The following UVRAG variants were observed in gnomAD, a reference collection of about 807,000 sequenced individuals.
UVRAG encodes UV radiation resistance-associated gene protein.
A neutral mutation model predicts 78.0 loss-of-function variants in UVRAG; 19 were observed. That is an observed-to-expected ratio of 0.24 (90% CI 0.17 to 0.36). UVRAG has a LOEUF of 0.36. UVRAG is among the 10% of genes least tolerant of loss of function. The pLI is 1.00. For synonymous variants in UVRAG, 323 were observed against 324.6 expected, an observed-to-expected ratio of 1.00 and a Z score of 0.05; for missense variants, 740 against 853.8, an observed-to-expected ratio of 0.87 and a Z score of 1.66.
At chr11:75,849,640 G>T (rs529481861) in intron 1 of UVRAG, among the ~76,000 whole-genome samples, 70 of 152,296 alleles carry the variant, frequency 4.6e-4, no homozygotes, top group Non-Finnish European at 8.8e-4. Context: ...GTACAGTGAT[G>T]GTTGTGGTTT....
intron 1 of UVRAG, among the ~76,000 whole-genome samples, chr11:75,818,728 C>T (rs1340614567): frequency 2.6e-5 from 4 of 152,138 alleles, no homozygotes; most frequent in Non-Finnish European, 5.9e-5. Flanking sequence ...CCTCCCACCT[C>T]GGCCTCCCAA....
intron 13 of UVRAG, among the ~76,000 whole-genome samples, chr11:76,103,455 T>A (rs1246106169): frequency 1.3e-5 from 2 of 152,090 alleles, no homozygotes; most frequent in African/African-American, 4.8e-5. Flanking sequence ...TTTTGTTAAA[T>A]GAATTGTGAG....
chr11:75,874,323 G>T (rs999937003), intron 3 of UVRAG, among the ~76,000 whole-genome samples: 12 of 151,856 alleles, frequency 7.9e-5, no homozygotes, highest in African/African-American at 2.9e-4. Flanking sequence ...AAATTCTAGA[G>T]AACTAGATTC....
At chr11:75,906,181 T>G (rs1449066971) in intron 5 of UVRAG, among the ~76,000 whole-genome samples, 2 of 152,196 alleles carry the variant, frequency 1.3e-5, no homozygotes. Context: ...TGTCCTTTGA[T>G]GCACAAAAGT....
At chr11:75,934,470 A>T (rs1948321672) in intron 6 of UVRAG, among the ~76,000 whole-genome samples, 1 of 152,204 alleles carries the variant, frequency 6.6e-6, no homozygotes, top group South Asian at 2.1e-4. Flanking sequence ...AGTAAAAAAA[A>T]TTTAATTCTA....
intron 6 of UVRAG, among the ~76,000 whole-genome samples, chr11:75,960,630 G>C (rs905735988): frequency 6.6e-6 from 1 of 152,062 alleles, no homozygotes; most frequent in Non-Finnish European, 1.5e-5. Context: ...AGCCAGGCAT[G>C]GTGGTGCATG....
At chr11:75,939,893 G>A (rs769130976) in intron 6 of UVRAG, among the ~76,000 whole-genome samples, 21 of 152,184 alleles carry the variant, frequency 1.4e-4, no homozygotes, top group Non-Finnish European at 2.5e-4. Context: ...TGCCAATACA[G>A]AAGGAATTCT....
intron 8 of UVRAG, among the ~76,000 whole-genome samples, chr11:76,002,199 T>C (rs1949827628): frequency 6.6e-6 from 1 of 152,188 alleles, no homozygotes. Context: ...TTCTGGAGTA[T>C]CTTCAAATAC....
At chr11:76,072,082 A>G (rs1024996480) in intron 13 of UVRAG, among the ~76,000 whole-genome samples, 1 of 152,154 alleles carries the variant, frequency 6.6e-6, no homozygotes, top group Non-Finnish European at 1.5e-5. Flanking sequence ...GAGATTACCC[A>G]GGGAGAGAAC....
chr11:75,921,790 T>A (rs1281386303), intron 6 of UVRAG, among the ~76,000 whole-genome samples: 1 of 152,124 alleles, frequency 6.6e-6, no homozygotes, highest in Non-Finnish European at 1.5e-5. Context: ...ATGAATTCAT[T>A]GTGCCAGCAC....
chr11:75,929,195 G>C (rs1948178587), intron 6 of UVRAG, among the ~76,000 whole-genome samples: 1 of 152,140 alleles, frequency 6.6e-6, no homozygotes, highest in Non-Finnish European at 1.5e-5. Context: ...GATAAACTTT[G>C]CAGTTGAGAA....
chr11:75,950,206 G>T (rs139645794), intron 6 of UVRAG, among the ~76,000 whole-genome samples: 45 of 152,222 alleles, frequency 3.0e-4, no homozygotes, highest in Non-Finnish European at 4.9e-4. Context: ...AAATAAAGCC[G>T]ATAGGAACAC....
rs1429700547 is a variant in UVRAG, at chr11:75,815,447, C to A, written c.40C>A (p.Pro14Thr). The A allele has an allele frequency of 8.0e-7, 1 of 1,248,894 alleles. No individual in the cohort carries two copies. The highest frequency in any genetic ancestry group is 1.5e-5 in the African/African-American group (1 of 64,612). 77.4% of individuals were successfully genotyped at this position (1,248,894 alleles called of 1,614,324 possible). A position where few individuals can be genotyped will look rare whatever the true frequency, so the allele number is the denominator to read the frequency against. ...GTCGGTCGGGGGCCCCGTCCCCCAG[C>A]CACCCCCGGGCCCGGCCGCTGCTCT... ...SASVGGPVPQ[P>T]PPGPAAALPP... The change falls in exon 1 of 15, where the codon CCA becomes ACA. Residue 14 changes from proline (P) to threonine (T), a missense_variant. Transcript: ENST00000356136.
In UVRAG at chr11:76,141,447, GCTC is replaced by G; in HGVS notation, c.*35_*37del. ...GGTCAACAGTAGGACTGGGGCAGAA[GCTC>G]TGCCTAAAATGAAGTGAAAGCTGCA... On this transcript the variant is annotated 3_prime_UTR_variant, in exon 15 of 15. Transcript: ENST00000356136. 5.7e-6 allele frequency: 9 copies of G among 1,579,922 alleles called. No individual in the cohort carries two copies. The highest frequency in any genetic ancestry group is 7.8e-6 in the Non-Finnish European group (9 of 1,159,208).
At position 75,888,736 on chromosome 11, in the gene UVRAG, T is replaced by C. The variant is rs556734061; in HGVS notation, c.433-93T>C. 1,012 of 1,056,596 alleles carry C rather than the reference T, an allele frequency of 9.6e-4. 14 individuals are homozygous for C. In the South Asian group the frequency reaches 0.015, roughly 16 times the overall value. 65.5% of individuals were successfully genotyped at this position (1,056,596 alleles called of 1,614,324 possible). On this transcript the variant is annotated intron_variant, in intron 4 of 14. Coordinates refer to ENST00000356136, the MANE Select transcript of UVRAG (RefSeq NM_003369.4). ...ATGTAGTCAGCCGGTTTCTCAGTAT[T>C]GAAGTAGATCCTGTTGTAACTGTCA...
At chr11:76,039,934 CATT>C (rs767232644) in intron 12 of UVRAG, among the ~76,000 whole-genome samples, 57 of 152,132 alleles carry the variant, frequency 3.7e-4, no homozygotes, top group Admixed American at 2.6e-3. Flanking sequence ...AAATATAAAA[CATT>C]ATAAAAATGA....
At chr11:75,968,715 C>T (rs1385521975) in intron 7 of UVRAG, among the ~76,000 whole-genome samples, 1 of 152,092 alleles carries the variant, frequency 6.6e-6, no homozygotes, top group Non-Finnish European at 1.5e-5. Flanking sequence ...TGAATATTTG[C>T]TTTTCTTTTT....
At position 76,016,830 on chromosome 11, in the gene UVRAG, G is replaced by A. The variant is rs1477622625; in HGVS notation, c.1076G>A (p.Ser359Asn). 1.8e-5 allele frequency: 28 copies of A among 1,596,330 alleles called. No homozygotes were observed. Among genetic ancestry groups the A allele is most frequent in the Non-Finnish European group, 2.2e-5 (26 of 1,170,486 alleles). ...GAATTTACAGCAAAAGATGATGGAA[G>A]CATTGCTGTTGCCCTTGGTTATACT... ...SEDFQAKDDG[S>N]IAVALGYTAH... Residue 359 changes from serine to asparagine, a missense_variant, in exon 12 of 15, where the codon AGC becomes AAC. Transcript: ENST00000356136.
intron 5 of UVRAG, among the ~76,000 whole-genome samples, chr11:75,897,165 T>C (rs1026125832): frequency 1.3e-5 from 2 of 152,226 alleles, no homozygotes; most frequent in Admixed American, 1.3e-4. Context: ...AATAACCATA[T>C]AACTTGATCG....
Sources: gnomAD v4.1 joint callset for allele counts (sites outside exome capture counted in the v4.1 genomes callset) on GRCh38, gnomAD v4.1.1 for gene constraint, MANE v1.5 for transcripts, NCBI Gene and HGNC (gene_info 2026-07-23, HGNC 2026-07-21) for gene names.